MFSD11: variants seen among roughly 807,000 people sequenced by gnomAD.
MFSD11 encodes UNC93-like protein MFSD11.
A neutral mutation model predicts 53.5 loss-of-function variants in MFSD11; 36 were observed. The observed-to-expected ratio is 0.67, with a 90% CI of 0.52 to 0.89. The LOEUF is 0.89. MFSD11 is among the 40% of genes least tolerant of loss of function. The pLI is 0.00. For missense variants in MFSD11, 530 were observed against 543.9 expected (o/e 0.97, Z 0.25); for synonymous variants, 186 against 184.9 (o/e 1.01, Z -0.05).
intron 8 of MFSD11, 30 bp from the exon 9 acceptor site, chr17:76,767,352 CTAAT>C (rs2080942391): frequency 1.5e-6 from 2 of 1,313,110 alleles, no homozygotes; most frequent in East Asian, 2.3e-5. Flanking sequence ...TAACTAAAAT[CTAAT>C]TAAGTACTCT....
At chr17:76,743,657 C>T (rs2078295500) in intron 6 of MFSD11, among the ~76,000 whole-genome samples, 1 of 152,140 alleles carries the variant, frequency 6.6e-6, no homozygotes, top group Admixed American at 6.6e-5. Flanking sequence ...ACTCTTGTTA[C>T]CCAGGCTGGA....
chr17:76,758,156 T>C (rs2079835947), intron 8 of MFSD11, among the ~76,000 whole-genome samples: 2 of 152,128 alleles, frequency 1.3e-5, no homozygotes, highest in South Asian at 4.1e-4. Flanking sequence ...TAGAGGAATA[T>C]AGGATACAAT....
chr17:76,769,954 G>T, intron 10 of MFSD11, 83 bp downstream of exon 10: 2 of 1,267,574 alleles, frequency 1.6e-6, no homozygotes, highest in Non-Finnish European at 1.1e-6. Flanking sequence ...CTTCACCTTT[G>T]TCCTTGAATT....
At chr17:76,763,182 T>G (rs73361047) in intron 8 of MFSD11, among the ~76,000 whole-genome samples, 1,927 of 152,310 alleles carry the variant, frequency 0.013, 36 homozygotes, top group African/African-American at 0.044. Flanking sequence ...ACTGCCAGAT[T>G]GTTATACCAC....
chr17:76,801,697 G>C, the MFSD11 span, among the ~76,000 whole-genome samples: 2 of 151,998 alleles, frequency 1.3e-5, no homozygotes, highest in Non-Finnish European at 1.5e-5. Flanking sequence ...CACCTGCCTT[G>C]GCCTCCCAAA....
chr17:76,760,579 G>T (rs1430451011), intron 8 of MFSD11, among the ~76,000 whole-genome samples: 2 of 151,854 alleles, frequency 1.3e-5, no homozygotes, highest in East Asian at 3.9e-4. Flanking sequence ...CACCCAGGCT[G>T]GAGTGCAGTG....
chr17:76,737,520 C>A, upstream of MFSD11: 1 of 298,192 alleles, frequency 3.4e-6, no homozygotes. Context: ...GGAGTCACGG[C>A]TGGAGGGAGG....
At position 76,778,268 on chromosome 17, in the gene MFSD11, G is replaced by T. The variant is rs143254714; in HGVS notation, c.1266G>T (p.Gly422=). ...HWQLLVMVIF[G]FFGTISFFTV... Reference sequence around the variant, plus strand: ...AACTCCTGGTCATGGTGATATTTGGGTTTTTTGGAACAATTTCTTTCTTCA... The same window carrying T: ...AACTCCTGGTCATGGTGATATTTGGTTTTTTTGGAACAATTTCTTTCTTCA... Residue 422 remains glycine (G), a synonymous_variant, in exon 13 of 13, where the codon GGG becomes GGT. Transcript: ENST00000685175. The T allele has an allele frequency of 2.0e-4, 322 of 1,614,132 alleles. No homozygotes were observed. In the African/African-American group the frequency reaches 4.0e-3, roughly 20 times the overall value.
At chr17:76,741,862 G>C in intron 3 of MFSD11, 107 bp from the exon 4 acceptor site, 1 of 1,547,240 alleles carries the variant, frequency 6.5e-7, no homozygotes, top group Non-Finnish European at 8.8e-7. Context: ...TCCTTTACAG[G>C]TTGAGTTTTA....
chr17:76,738,101 G>A, upstream of MFSD11: 1 of 498,490 alleles, frequency 2.0e-6, no homozygotes, highest in Admixed American at 3.7e-5. Context: ...ATAAATTCTT[G>A]GCGCTTCTCC....
chr17:76,779,486 A>T (rs1418904654), downstream of MFSD11, among the ~76,000 whole-genome samples: 3 of 151,558 alleles, frequency 2.0e-5, no homozygotes, highest in East Asian at 3.9e-4. Flanking sequence ...TTTATTTATT[A>T]TTTATTTATT....
At chr17:76,750,091 A>C (rs2078922687) in intron 7 of MFSD11, among the ~76,000 whole-genome samples, 1 of 152,106 alleles carries the variant, frequency 6.6e-6, no homozygotes, top group Non-Finnish European at 1.5e-5. Flanking sequence ...ACAGTGGTCT[A>C]ACTTAAATGG....
the MFSD11 span, among the ~76,000 whole-genome samples, chr17:76,788,673 A>G: frequency 6.7e-6 from 1 of 148,576 alleles, no homozygotes; most frequent in Non-Finnish European, 1.5e-5. Context: ...AACATGGCAA[A>G]ACCCCATCTC....
intron 7 of MFSD11, chr17:76,745,532 A>G (rs1257586997): frequency 6.6e-6 from 1 of 152,208 alleles, no homozygotes; most frequent in Non-Finnish European, 1.5e-5. Context: ...TACTTCAAAC[A>G]TTTCATTCTT....
downstream of MFSD11, among the ~76,000 whole-genome samples, chr17:76,780,355 A>T (rs2082128637): frequency 1.3e-5 from 2 of 151,800 alleles, no homozygotes; most frequent in South Asian, 2.1e-4. Flanking sequence ...TTTTTAGTAG[A>T]GACAGAGTCT....
At chr17:76,775,204 G>A in intron 11 of MFSD11, 33 bp downstream of exon 11, 2 of 1,603,278 alleles carry the variant, frequency 1.2e-6, no homozygotes, top group Non-Finnish European at 1.7e-6. Flanking sequence ...AGTCGCTTGA[G>A]TACGGGTGGG....
intron 3 of MFSD11, 68 bp from the exon 4 acceptor site, chr17:76,741,900 TA>T: frequency 6.2e-7 from 1 of 1,610,456 alleles, no homozygotes; most frequent in Middle Eastern, 1.7e-4. Flanking sequence ...AACTGATTCC[TA>T]GAAGGCATAA....
intron 12 of MFSD11, among the ~76,000 whole-genome samples, chr17:76,777,274 A>G (rs2081932603): frequency 6.6e-6 from 1 of 151,760 alleles, no homozygotes. Flanking sequence ...TCTCAAAAAA[A>G]AAAAAAAAAA....
chr17:76,787,032 C>G, the MFSD11 span, among the ~76,000 whole-genome samples: 748 of 151,640 alleles, frequency 4.9e-3, 9 homozygotes, highest in African/African-American at 0.017. Context: ...TGTATCAATA[C>G]AACAAAAATG....
Sources: gnomAD v4.1 joint callset for allele counts (sites outside exome capture counted in the v4.1 genomes callset) on GRCh38, gnomAD v4.1.1 for gene constraint, MANE v1.5 for transcripts, NCBI Gene and HGNC (gene_info 2026-07-23, HGNC 2026-07-21) for gene names.